Variants in FRMD4A observed in about 807,000 individuals in gnomAD.
FRMD4A encodes the protein FERM domain containing 4A.
Under a neutral mutation model 129.1 loss-of-function variants are expected in FRMD4A, and 29 were observed. That is an observed-to-expected ratio of 0.22 (90% CI 0.17 to 0.31). FRMD4A has a LOEUF of 0.31. Among genes scored for constraint, FRMD4A ranks in the 10% least tolerant of loss-of-function variants. The probability of loss-of-function intolerance (pLI) is 1.00; values close to 1 mark genes in which losing one functional copy is unlikely to be tolerated. For synonymous variants in FRMD4A, 634 were observed against 571.6 expected (o/e 1.11, Z -1.56); for missense variants, 1,272 against 1,375.8 (o/e 0.92, Z 1.19).
chr10:13,692,489 CACAG>C, intron 15 of FRMD4A: 1 of 152,290 alleles, frequency 6.6e-6, no homozygotes, highest in African/African-American at 2.4e-5. Flanking sequence ...ATATTATGTT[CACAG>C]ATTTTATAAA....
chr10:13,683,976 T>G (rs2084853256), intron 15 of FRMD4A: 1 of 152,190 alleles, frequency 6.6e-6, no homozygotes, highest in Non-Finnish European at 1.5e-5. Flanking sequence ...CCCAAAGTGC[T>G]GGGATTACAG....
At chr10:14,246,924 G>A (rs1255829643) in intron 2 of FRMD4A, among the ~76,000 whole-genome samples, 5 of 152,156 alleles carry the variant, frequency 3.3e-5, no homozygotes, top group Non-Finnish European at 5.9e-5. Context: ...GTAATCACCC[G>A]GTAGTGTAGC....
intron 3 of FRMD4A, among the ~76,000 whole-genome samples, chr10:13,845,456 A>G (rs2094030512): frequency 6.6e-6 from 1 of 152,210 alleles, no homozygotes; most frequent in Admixed American, 6.5e-5. Context: ...ATGAAATCGT[A>G]TAGAAGACCA....
intron 2 of FRMD4A, among the ~76,000 whole-genome samples, chr10:14,305,769 A>T (rs1003603142): frequency 6.6e-6 from 1 of 152,220 alleles, no homozygotes; most frequent in African/African-American, 2.4e-5. Flanking sequence ...AATGTGATAC[A>T]TACACACCAG....
chr10:14,307,996 C>T (rs929796831), intron 2 of FRMD4A, among the ~76,000 whole-genome samples: 11 of 152,112 alleles, frequency 7.2e-5, no homozygotes, highest in Non-Finnish European at 1.3e-4. Context: ...AAAATCTGTG[C>T]GGCAAATATG....
intron 2 of FRMD4A, among the ~76,000 whole-genome samples, chr10:14,038,996 A>T (rs2131671531): frequency 6.6e-6 from 1 of 152,346 alleles, no homozygotes; most frequent in East Asian, 1.9e-4. Context: ...TTAATTTCTC[A>T]GGCAAATAAG....
Position 13,659,494 on chromosome 10 carries a change from C to G in FRMD4A, c.1899-4G>C. The G allele has an allele frequency of 6.2e-7, 1 of 1,610,822 alleles. No individual in the cohort carries two copies. Among genetic ancestry groups the G allele is most frequent in the South Asian group, 1.1e-5 (1 of 90,880 alleles). On this transcript the variant is annotated splice_region_variant and splice_polypyrimidine_tract_variant and intron_variant, in intron 20 of 24. Transcript: ENST00000357447. Reference sequence around the variant, plus strand: ...GCTGGGGAAGCGCTTGTGGCTGCTGCAAAGCCAAGGATGCCACGTGGTCAC... The same window carrying G: ...GCTGGGGAAGCGCTTGTGGCTGCTGGAAAGCCAAGGATGCCACGTGGTCAC...
At chr10:13,980,782 CAA>C (rs1285660279) in intron 2 of FRMD4A, among the ~76,000 whole-genome samples, 10 of 152,130 alleles carry the variant, frequency 6.6e-5, no homozygotes, top group African/African-American at 2.4e-4. Context: ...GTTATTTTAA[CAA>C]AGTCTTCTCA....
intron 18 of FRMD4A, among the ~76,000 whole-genome samples, chr10:13,664,794 T>C (rs376453437): frequency 1.6e-4 from 24 of 152,226 alleles, no homozygotes; most frequent in African/African-American, 5.8e-4. Context: ...GACTACAGTC[T>C]CAAACCTCTG....
At chr10:13,967,346 A>G (rs2095491874) in intron 2 of FRMD4A, among the ~76,000 whole-genome samples, 1 of 152,208 alleles carries the variant, frequency 6.6e-6, no homozygotes, top group African/African-American at 2.4e-5. Context: ...CAAAGAAAAA[A>G]AAAAAGAATG....
intron 2 of FRMD4A, among the ~76,000 whole-genome samples, chr10:14,136,355 G>A (rs1433613198): frequency 6.6e-6 from 1 of 152,152 alleles, no homozygotes; most frequent in Non-Finnish European, 1.5e-5. Flanking sequence ...ACCTTGAGAT[G>A]TTAACCCCAA....
chr10:14,003,272 G>A (rs1035673909), intron 2 of FRMD4A, among the ~76,000 whole-genome samples: 1 of 152,178 alleles, frequency 6.6e-6, no homozygotes, highest in Non-Finnish European at 1.5e-5. Flanking sequence ...ACGATGGAAA[G>A]AGAGGAGGCA....
chr10:14,120,639 C>A (rs888924494), intron 2 of FRMD4A, among the ~76,000 whole-genome samples: 1 of 152,176 alleles, frequency 6.6e-6, no homozygotes. Context: ...CCTGAGCATG[C>A]ATTTTCCACC....
At chr10:13,902,193 T>C (rs2094827495) in intron 2 of FRMD4A, among the ~76,000 whole-genome samples, 1 of 152,100 alleles carries the variant, frequency 6.6e-6, no homozygotes, top group Non-Finnish European at 1.5e-5. Context: ...ATTTTTATTT[T>C]TAAATTTTTT....
intron 2 of FRMD4A, among the ~76,000 whole-genome samples, chr10:14,247,073 T>C (rs1188257470): frequency 6.6e-6 from 1 of 152,166 alleles, no homozygotes; most frequent in African/African-American, 2.4e-5. Flanking sequence ...CAGGTGGGAC[T>C]CGCAAGCTCT....
intron 2 of FRMD4A, among the ~76,000 whole-genome samples, chr10:14,046,571 G>C (rs1161621002): frequency 6.6e-6 from 1 of 152,128 alleles, no homozygotes; most frequent in African/African-American, 2.4e-5. Flanking sequence ...TATTCTTAAT[G>C]CCAAGGTAGA....
intron 20 of FRMD4A, among the ~76,000 whole-genome samples, chr10:13,659,902 G>A (rs1469101461): frequency 6.6e-6 from 1 of 152,122 alleles, no homozygotes; most frequent in Non-Finnish European, 1.5e-5. Flanking sequence ...GCCCGGTAAT[G>A]AGCTGATAAT....
intron 2 of FRMD4A, among the ~76,000 whole-genome samples, chr10:14,139,368 C>A (rs543750804): frequency 2.0e-5 from 3 of 150,750 alleles, no homozygotes; most frequent in Admixed American, 6.8e-5. Context: ...AGCTAAGCAA[C>A]CTTATGTCCT....
At chr10:14,113,110 G>A (rs948033473) in intron 2 of FRMD4A, among the ~76,000 whole-genome samples, 1 of 152,010 alleles carries the variant, frequency 6.6e-6, no homozygotes, top group African/African-American at 2.4e-5. Flanking sequence ...AATCCTGCCT[G>A]GTGTGCTGAT....
Sources: allele counts gnomAD v4.1 joint callset (sites outside exome capture counted in the v4.1 genomes callset), GRCh38; gene constraint gnomAD v4.1.1; transcripts MANE v1.5; gene names NCBI Gene and HGNC (gene_info 2026-07-23, HGNC 2026-07-21).